The following SEZ6L2 variants were observed in gnomAD, a reference collection of about 807,000 sequenced individuals.
The protein encoded by SEZ6L2 is seizure 6-like protein 2.
In SEZ6L2, 44 loss-of-function variants were observed where a neutral mutation model predicts 97.0. That is an observed-to-expected ratio of 0.45 (90% CI 0.36 to 0.58). The LOEUF (loss-of-function observed/expected upper bound fraction) is 0.58, where lower values mean the gene tolerates loss of function less well. Among genes scored for constraint, SEZ6L2 ranks in the 20% least tolerant of loss-of-function variants. The probability of loss-of-function intolerance (pLI) is 0.00; values close to 1 mark genes in which losing one functional copy is unlikely to be tolerated. For synonymous variants in SEZ6L2, 543 were observed against 546.1 expected, an observed-to-expected ratio of 0.99 and a Z score of 0.08; for missense variants, 1,086 against 1,233.3, an observed-to-expected ratio of 0.88 and a Z score of 1.79.
At chr16:29,896,009 C>T in intron 3 of SEZ6L2, 149 bp from the exon 4 acceptor site, 1 of 834,470 alleles carries the variant, frequency 1.2e-6, no homozygotes, top group East Asian at 2.8e-5. Flanking sequence ...GTCACCCAGG[C>T]TGGAGTGCAG....
chr16:29,895,924 A>C (rs1226634454), intron 3 of SEZ6L2, 64 bp from the exon 4 acceptor site: 3 of 1,513,790 alleles, frequency 2.0e-6, no homozygotes, highest in East Asian at 4.6e-5. Flanking sequence ...CAGCCAAGCA[A>C]CTCTGGCCTT....
chr16:29,881,564 G>C (rs1435208585), intron 8 of SEZ6L2, among the ~76,000 whole-genome samples: 1 of 150,966 alleles, frequency 6.6e-6, no homozygotes, highest in Non-Finnish European at 1.5e-5. Flanking sequence ...TCGGATCTTA[G>C]CTGCAAAACT....
rs374736771 is a variant in SEZ6L2 at position 29,897,929 on chromosome 16, C to A, written c.135G>T (p.Thr45=). The A allele has an allele frequency of 3.7e-6, 6 of 1,613,656 alleles. No individual in the cohort carries two copies. The South Asian group carries it at 5.5e-5, about 15-fold the overall frequency. The part of the protein sequence containing the change: ...ILPEPGSETP[T]VASEALAELL... Reference sequence around the variant, plus strand: ...GTTCAGCCAGGGCCTCAGAGGCCACCGTGGGGGTCTCACTTCCAGGCTCTG... The same window carrying A: ...GTTCAGCCAGGGCCTCAGAGGCCACAGTGGGGGTCTCACTTCCAGGCTCTG... Residue 45 remains threonine (T), a synonymous_variant, in exon 2 of 18, where the codon ACG becomes ACT. Transcript: ENST00000617533.
rs771315372 is a variant in SEZ6L2 at position 29,873,457 on chromosome 16, C to T, written c.2297-26G>A. Reference sequence around the variant, plus strand: ...CTGCGGGGAGCATGCCAGTCACGTGCCAGCTGCACTACTGTGCACGGGGCA... The same window carrying T: ...CTGCGGGGAGCATGCCAGTCACGTGTCAGCTGCACTACTGTGCACGGGGCA... On this transcript the variant is annotated intron_variant, in intron 13 of 17. Coordinates refer to ENST00000617533, the MANE Select transcript of SEZ6L2 (RefSeq NM_001243332.2). The surrounding 1 kb of genome is among the most constrained non-coding windows in gnomAD (Gnocchi z 4.3). The T allele has an allele frequency of 6.2e-7, 1 of 1,614,086 alleles. No individual in the cohort carries two copies. Among genetic ancestry groups the T allele is most frequent in the South Asian group, 1.1e-5 (1 of 91,074 alleles).
chr16:29,896,941 G>A lies in SEZ6L2; in HGVS notation c.392C>T (p.Ala131Val), dbSNP rs2068410333. 3 of 1,608,340 alleles carry A rather than the reference G, an allele frequency of 1.9e-6. No homozygotes were observed. The highest frequency in any genetic ancestry group is 2.5e-6 in the Non-Finnish European group (3 of 1,177,882). ...ELLTPPPGTT[A>V]PPPPSPASPG... ...GGAGGCAGGGCTGGGTGGGGGTGGGGCTGTGGTTCCTGGGGGCGGGGTCAG... is the reference window on the plus strand; with the variant it reads ...GGAGGCAGGGCTGGGTGGGGGTGGGACTGTGGTTCCTGGGGGCGGGGTCAG... Residue 131 changes from alanine to valine, a missense_variant, in exon 3 of 18, where the codon GCC (alanine) becomes GTC (valine). Ala to Val is a moderately conservative substitution (Grantham distance 64). Coordinates refer to ENST00000617533, the MANE Select transcript of SEZ6L2 (RefSeq NM_001243332.2).
chr16:29,872,598 GC>G, intron 15 of SEZ6L2, 72 bp from the exon 16 acceptor site: 2 of 1,597,908 alleles, frequency 1.3e-6, no homozygotes, highest in Non-Finnish European at 1.7e-6. Flanking sequence ...CCTGCCCTGG[GC>G]CTCAAACCCT....
chr16:29,887,726 A>G lies in SEZ6L2; in HGVS notation c.1131T>C (p.Arg377=). The G allele has an allele frequency of 6.2e-7, 1 of 1,612,906 alleles. No individual in the cohort carries two copies. Among genetic ancestry groups the G allele is most frequent in the East Asian group, 2.2e-5 (1 of 44,806 alleles). Residue 377 remains arginine (R), a synonymous_variant, in exon 7 of 18, where the codon CGT becomes CGC. Transcript: ENST00000617533. Reference sequence around the variant, plus strand: ...GCCCCTCAGCTGCTTCAATGACCCAACGGCAGGTGAGGTTGGGCCCTACGG... The same window carrying G: ...GCCCCTCAGCTGCTTCAATGACCCAGCGGCAGGTGAGGTTGGGCCCTACGG... The part of the protein sequence containing the change: ...GGAVGPNLTC[R]WVIEAAEGRR...
At position 29,876,195 on chromosome 16, in the gene SEZ6L2, C is replaced by T. The variant is rs1445545316; in HGVS notation, c.2104+561G>A. On this transcript the variant is annotated intron_variant, in intron 12 of 17. Coordinates refer to ENST00000617533, the MANE Select transcript of SEZ6L2 (RefSeq NM_001243332.2). This position sits in a 1 kb window ranked among gnomAD's most constrained non-coding sequence, Gnocchi z 6.5. ...CGTATCCCTCCCAGACTGCGAGCTCCATAAGAGTATGGAGGGGCTTGAACC... is the reference window on the plus strand; with the variant it reads ...CGTATCCCTCCCAGACTGCGAGCTCTATAAGAGTATGGAGGGGCTTGAACC... 6.6e-6 allele frequency among the ~76,000 whole-genome samples: 1 copy of T among 152,154 alleles called. No homozygotes were observed. The highest frequency in any genetic ancestry group is 1.5e-5 in the Non-Finnish European group (1 of 68,030).
At position 29,896,956 on chromosome 16, in the gene SEZ6L2, G is replaced by T; in HGVS notation, c.377C>A (p.Pro126His). ...TGGGGGTGGGGCTGTGGTTCCTGGG[G>T]GCGGGGTCAGCAGTTCTGGCGCAGT... ...GPTAPELLTP[P>H]PGTTAPPPPS... Residue 126 changes from proline (P) to histidine (H), a missense_variant, in exon 3 of 18, where the codon CCC (proline) becomes CAC (histidine). Transcript: ENST00000617533. 1 of 1,597,568 alleles carries T rather than the reference G, an allele frequency of 6.3e-7. No individual in the cohort carries two copies. The highest frequency in any genetic ancestry group is 2.3e-5 in the East Asian group (1 of 44,200).
At chr16:29,874,547 C>CTTTTTT (rs1567410632) in intron 12 of SEZ6L2, among the ~76,000 whole-genome samples, 1 of 24,536 alleles carries the variant, frequency 4.1e-5, no homozygotes, top group Non-Finnish European at 8.3e-5. Context: ...TGTGTGTGTG[C>CTTTTTT]TTGTTTTTTT....
rs374736771 is a variant in SEZ6L2, at chr16:29,897,929, C to T, written c.135G>A (p.Thr45=). Residue 45 remains threonine, a synonymous_variant, in exon 2 of 18, where the codon ACG becomes ACA. Coordinates refer to ENST00000617533, the MANE Select transcript of SEZ6L2 (RefSeq NM_001243332.2). ...ILPEPGSETP[T]VASEALAELL... ...GTTCAGCCAGGGCCTCAGAGGCCACCGTGGGGGTCTCACTTCCAGGCTCTG... is the reference window on the plus strand; with the variant it reads ...GTTCAGCCAGGGCCTCAGAGGCCACTGTGGGGGTCTCACTTCCAGGCTCTG... The T allele has an allele frequency of 3.1e-6, 5 of 1,613,656 alleles. No individual in the cohort carries two copies. The highest frequency in any genetic ancestry group is 1.3e-5 in the African/African-American group (1 of 75,046).
Position 29,889,508 on chromosome 16 carries a change from C to T in SEZ6L2, c.854-783G>A, listed in dbSNP as rs527627809. 3.3e-5 allele frequency among the ~76,000 whole-genome samples: 5 copies of T among 150,984 alleles called. No homozygotes were observed. In the South Asian group the frequency reaches 1.0e-3, roughly 32 times the overall value. On this transcript the variant is annotated intron_variant, in intron 5 of 17. Transcript: ENST00000617533. Reference sequence around the variant, plus strand: ...TGAGGCTCCAAGTTATTAAATGTCTCTTTTGATTTTTCTTCCCTCCACACA... The same window carrying T: ...TGAGGCTCCAAGTTATTAAATGTCTTTTTTGATTTTTCTTCCCTCCACACA...
intron 9 of SEZ6L2, among the ~76,000 whole-genome samples, chr16:29,879,319 G>T (rs568654989): frequency 2.0e-5 from 3 of 149,812 alleles, no homozygotes; most frequent in Non-Finnish European, 4.4e-5. Context: ...TCCGCCTCCC[G>T]GGTTCAAGCG....
chr16:29,888,100 G>T (rs2150803704), intron 6 of SEZ6L2, among the ~76,000 whole-genome samples: 1 of 152,258 alleles, frequency 6.6e-6, no homozygotes, highest in East Asian at 1.9e-4. Flanking sequence ...CTAGGATGGG[G>T]AGTTACAAGG....
chr16:29,898,847 G>T (rs2068466101), intron 1 of SEZ6L2, 94 bp downstream of exon 1: 1 of 979,804 alleles, frequency 1.0e-6, no homozygotes, highest in Non-Finnish European at 1.5e-6. Context: ...CCTCCCCCAT[G>T]TGCTCGGAAG....
chr16:29,880,174 T>TC (rs1030415142), intron 8 of SEZ6L2, 110 bp from the exon 9 acceptor site: 17 of 1,027,502 alleles, frequency 1.7e-5, no homozygotes, highest in Non-Finnish European at 2.1e-5. Context: ...CTGGGCTTTT[T>TC]TTTTTTTTTA....
chr16:29,872,598 G>A, intron 15 of SEZ6L2, 72 bp from the exon 16 acceptor site: 1 of 1,597,908 alleles, frequency 6.3e-7, no homozygotes, highest in Non-Finnish European at 8.6e-7. Flanking sequence ...CCTGCCCTGG[G>A]CCTCAAACCC....
intron 7 of SEZ6L2, 96 bp from the exon 8 acceptor site, chr16:29,885,845 A>G (rs2068128488): frequency 8.1e-7 from 1 of 1,239,510 alleles, no homozygotes; most frequent in Non-Finnish European, 1.1e-6. Context: ...AGCTGTTATC[A>G]TCACACATAA....
chr16:29,873,443 A>G lies in SEZ6L2; in HGVS notation c.2297-12T>C. On this transcript the variant is annotated splice_polypyrimidine_tract_variant and intron_variant, in intron 13 of 17. Transcript: ENST00000617533. The surrounding 1 kb of genome is among the most constrained non-coding windows in gnomAD (Gnocchi z 4.3). ...CGGCTCGTACTTCACTGCGGGGAGC[A>G]TGCCAGTCACGTGCCAGCTGCACTA... 1 of 1,614,178 alleles carries G rather than the reference A, an allele frequency of 6.2e-7. No individual in the cohort carries two copies. Among genetic ancestry groups the G allele is most frequent in the Admixed American group, 1.7e-5 (1 of 60,022 alleles).
Sources: allele counts gnomAD v4.1 joint callset (sites outside exome capture counted in the v4.1 genomes callset), GRCh38; gene constraint gnomAD v4.1.1; non-coding constraint Gnocchi (gnomAD v3.1); transcripts MANE v1.5; gene names NCBI Gene and HGNC (gene_info 2026-07-23, HGNC 2026-07-21).